Variants in ATXN10 observed in about 807,000 individuals in gnomAD.
ATXN10 encodes the protein ataxin-10.
ATXN10 carries 28 observed loss-of-function variants against 52.9 expected under a neutral mutation model. The ratio of observed to expected loss-of-function variants is 0.53; its 90% CI spans 0.39 to 0.73. ATXN10 has a LOEUF of 0.73. ATXN10 is among the 30% of genes least tolerant of loss of function. The pLI is 0.00. For missense variants in ATXN10, 565 were observed against 577.0 expected (o/e 0.98, Z 0.21); for synonymous variants, 226 against 221.5 (o/e 1.02, Z -0.18).
intron 1 of ATXN10, among the ~76,000 whole-genome samples, chr22:45,682,128 G>A (rs1328011161): frequency 6.6e-6 from 1 of 152,146 alleles, no homozygotes; most frequent in Non-Finnish European, 1.5e-5. Context: ...TAGATCTGCT[G>A]TAATTTTTCC....
chr22:45,681,943 T>C lies in ATXN10; in HGVS notation c.117-7769T>C, dbSNP rs1312635689. Reference sequence around the variant, plus strand: ...GCCCACCTACTTGTATCTGTGCCCGTAGCCTGCCTTTGCTTCTGGTCTGTG... The same window carrying C: ...GCCCACCTACTTGTATCTGTGCCCGCAGCCTGCCTTTGCTTCTGGTCTGTG... On this transcript the variant is annotated intron_variant, in intron 1 of 11. Coordinates refer to ENST00000252934, the MANE Select transcript of ATXN10 (RefSeq NM_013236.4). The surrounding 1 kb of genome is among the most constrained non-coding windows in gnomAD (Gnocchi z 4.2). Among the ~76,000 whole-genome samples the C allele has an allele frequency of 6.6e-6, 1 of 152,228 alleles. No homozygotes were observed. Among genetic ancestry groups the C allele is most frequent in the Non-Finnish European group, 1.5e-5 (1 of 68,046 alleles).
intron 10 of ATXN10, among the ~76,000 whole-genome samples, chr22:45,827,515 A>G (rs1928855081): frequency 6.6e-6 from 1 of 152,214 alleles, no homozygotes. Context: ...CTAATATCAG[A>G]CAAAATGATT....
intron 6 of ATXN10, 30 bp from the exon 7 acceptor site, chr22:45,729,395 A>T (rs368066531): frequency 1.7e-5 from 27 of 1,610,432 alleles, no homozygotes; most frequent in Non-Finnish European, 2.3e-5. Flanking sequence ...AGTATTATAG[A>T]TTCATGCAGA....
At chr22:45,809,365 C>A (rs780029941) in intron 10 of ATXN10, among the ~76,000 whole-genome samples, 6 of 152,038 alleles carry the variant, frequency 3.9e-5, no homozygotes, top group Non-Finnish European at 7.4e-5. Flanking sequence ...AAATAATACA[C>A]CTATATGGGG....
Position 45,789,341 on chromosome 22 carries a change from G to A in ATXN10, c.1174-17618G>A, listed in dbSNP as rs1927427074. On this transcript the variant is annotated intron_variant, in intron 9 of 11. Coordinates refer to ENST00000252934, the MANE Select transcript of ATXN10 (RefSeq NM_013236.4). The surrounding 1 kb of genome is among the most constrained non-coding windows in gnomAD (Gnocchi z 4.0). ...TATTTGGACCCTGCAAGGGTGGAAG[G>A]TGAGCTTTTGCTTCTCACGCGCATA... Among the ~76,000 whole-genome samples the A allele has an allele frequency of 1.3e-5, 2 of 152,206 alleles. No individual in the cohort carries two copies. Among genetic ancestry groups the A allele is most frequent in the Non-Finnish European group, 2.9e-5 (2 of 68,044 alleles).
rs1173386170 is a variant in ATXN10, at chr22:45,733,702, A to C, written c.894+4112A>C. Among the ~76,000 whole-genome samples, 1 of 151,874 alleles carries C rather than the reference A, an allele frequency of 6.6e-6. No homozygotes were observed. Among genetic ancestry groups the C allele is most frequent in the Non-Finnish European group, 1.5e-5 (1 of 67,916 alleles). Reference sequence around the variant, plus strand: ...ACCCGGGAGGCGGAGGTTGCTGTGAACTGAGATTGTGCCATTGCACTTCAG... The same window carrying C: ...ACCCGGGAGGCGGAGGTTGCTGTGACCTGAGATTGTGCCATTGCACTTCAG... On this transcript the variant is annotated intron_variant, in intron 7 of 11. Transcript: ENST00000252934. This position sits in a 1 kb window ranked among gnomAD's most constrained non-coding sequence, Gnocchi z 4.4.
chr22:45,751,522 G>T (rs1375079506), intron 9 of ATXN10, among the ~76,000 whole-genome samples: 2 of 151,636 alleles, frequency 1.3e-5, no homozygotes, highest in African/African-American at 4.8e-5. Flanking sequence ...CCCTTTAAAG[G>T]AATAGGCATT....
intron 9 of ATXN10, among the ~76,000 whole-genome samples, chr22:45,765,485 A>G (rs1926550228): frequency 6.6e-6 from 1 of 152,190 alleles, no homozygotes; most frequent in African/African-American, 2.4e-5. Flanking sequence ...CCTAATTGCA[A>G]GAAGTTGCTC....
intron 9 of ATXN10, among the ~76,000 whole-genome samples, chr22:45,752,309 A>G (rs1195919109): frequency 6.6e-6 from 1 of 152,216 alleles, no homozygotes; most frequent in Admixed American, 6.5e-5. Context: ...TGTAGAAACT[A>G]TCATCTCAGT....
chr22:45,708,399 C>T lies in ATXN10; in HGVS notation c.647+5552C>T, dbSNP rs1363034477. ...TGTAATCTCATTTTCACATTGCTGC[C>T]ATCCTGTGAATTGTATTTTGCTACT... On this transcript the variant is annotated intron_variant, in intron 5 of 11. Transcript: ENST00000252934. The surrounding 1 kb of genome is among the most constrained non-coding windows in gnomAD (Gnocchi z 5.3). 6.6e-5 allele frequency among the ~76,000 whole-genome samples: 10 copies of T among 152,266 alleles called. No individual in the cohort carries two copies. The highest frequency in any genetic ancestry group is 6.8e-3 in the Middle Eastern group (2 of 294).
intron 9 of ATXN10, among the ~76,000 whole-genome samples, chr22:45,752,746 T>C (rs1171999699): frequency 3.3e-5 from 5 of 152,068 alleles, no homozygotes; most frequent in Admixed American, 6.5e-5. Context: ...TCCACTTCTT[T>C]TTTTTTTTTG....
rs1925137153 is a variant in ATXN10 at position 45,732,727 on chromosome 22, GA to G, written c.894+3140del. Among the ~76,000 whole-genome samples the G allele has an allele frequency of 6.6e-6, 1 of 152,092 alleles. No homozygotes were observed. Among genetic ancestry groups the G allele is most frequent in the African/African-American group, 2.4e-5 (1 of 41,414 alleles). On this transcript the variant is annotated intron_variant, in intron 7 of 11. Coordinates refer to ENST00000252934, the MANE Select transcript of ATXN10 (RefSeq NM_013236.4). The surrounding 1 kb of genome is among the most constrained non-coding windows in gnomAD (Gnocchi z 4.5). ...CTGATTGTTAAATTGTTGGTACCTT[GA>G]AATCATCCATGGTGGAAGTAGTTGT...
At chr22:45,777,033 G>A (rs1389521279) in intron 9 of ATXN10, among the ~76,000 whole-genome samples, 1 of 152,170 alleles carries the variant, frequency 6.6e-6, no homozygotes, top group Non-Finnish European at 1.5e-5. Flanking sequence ...ATGACTTTAT[G>A]TATGCATGAG....
At chr22:45,804,591 G>T (rs553379048) in intron 9 of ATXN10, among the ~76,000 whole-genome samples, 47 of 152,080 alleles carry the variant, frequency 3.1e-4, no homozygotes, top group Non-Finnish European at 5.7e-4. Flanking sequence ...ACTTCTATGC[G>T]GTTCTGTATC....
intron 9 of ATXN10, among the ~76,000 whole-genome samples, chr22:45,806,710 G>C (rs1928110881): frequency 6.6e-6 from 1 of 152,010 alleles, no homozygotes; most frequent in Non-Finnish European, 1.5e-5. Flanking sequence ...GATCTACTTA[G>C]ATTCTTTTTT....
Position 45,823,421 on chromosome 22 carries a change from G to T in ATXN10, c.1237+16399G>T. On this transcript the variant is annotated intron_variant, in intron 10 of 11. Transcript: ENST00000252934. The surrounding 1 kb of genome is among the most constrained non-coding windows in gnomAD (Gnocchi z 4.9). ...TGTAATTATTTATGATGTACAGTAG[G>T]GATTCTGTCTTTTTTTAATTTCCCC... The T allele has an allele frequency of 3.8e-5, 10 of 265,492 alleles. No homozygotes were observed. The highest frequency in any genetic ancestry group is 5.0e-5 in the Admixed American group (1 of 19,896). The allele number at this position is 265,492 out of a possible 1,614,324, so 16.4% of individuals were successfully genotyped here.
chr22:45,841,896 C>T lies in ATXN10; in HGVS notation c.1238-1095C>T, dbSNP rs1329924892. 6.6e-6 allele frequency among the ~76,000 whole-genome samples: 1 copy of T among 152,128 alleles called. No individual in the cohort carries two copies. The highest frequency in any genetic ancestry group is 1.9e-4 in the East Asian group (1 of 5,186). ...GATCAGAAGACTTGGCTCTTTAGCT[C>T]TAGGGTTTGATACCTTGTGGGGACA... is the stretch of plus-strand genomic sequence containing the variant. On this transcript the variant is annotated intron_variant, in intron 10 of 11. Coordinates refer to ENST00000252934, the MANE Select transcript of ATXN10 (RefSeq NM_013236.4). The surrounding 1 kb of genome is among the most constrained non-coding windows in gnomAD (Gnocchi z 5.1).
chr22:45,737,554 GT>G lies in ATXN10; in HGVS notation c.895-1171del, dbSNP rs1190970360. Among the ~76,000 whole-genome samples the G allele has an allele frequency of 5.9e-5, 9 of 151,784 alleles. No individual in the cohort carries two copies. In the East Asian group the frequency reaches 1.5e-3, roughly 26 times the overall value. ...ATCCAAGACATTAAAAATATGAGTTGTTTTTTGCTATTTATTTTGAGATTTC... is the reference window on the plus strand; with the variant it reads ...ATCCAAGACATTAAAAATATGAGTTGTTTTTGCTATTTATTTTGAGATTTC... On this transcript the variant is annotated intron_variant, in intron 7 of 11. Coordinates refer to ENST00000252934, the MANE Select transcript of ATXN10 (RefSeq NM_013236.4).
chr22:45,718,502 C>G lies in ATXN10; in HGVS notation c.728+9C>G, dbSNP rs748832007. 3.1e-6 allele frequency: 5 copies of G among 1,611,174 alleles called. No homozygotes were observed. The highest frequency in any genetic ancestry group is 2.2e-5 in the South Asian group (2 of 91,012). On this transcript the variant is annotated intron_variant, in intron 6 of 11. Coordinates refer to ENST00000252934, the MANE Select transcript of ATXN10 (RefSeq NM_013236.4). The surrounding 1 kb of genome is among the most constrained non-coding windows in gnomAD (Gnocchi z 4.4). The stretch of plus-strand genomic sequence containing the variant: ...CTGAACAATCAAGAAAGGTAACCCC[C>G]CAACCAGCGTGGTCTGGAGTATTTA...
Sources: allele counts gnomAD v4.1 joint callset (sites outside exome capture counted in the v4.1 genomes callset), GRCh38; gene constraint gnomAD v4.1.1; non-coding constraint Gnocchi (gnomAD v3.1); transcripts MANE v1.5; gene names NCBI Gene and HGNC (gene_info 2026-07-23, HGNC 2026-07-21).